KIF1A: variants seen among roughly 807,000 people sequenced by gnomAD.
KIF1A encodes kinesin-like protein KIF1A.
Under a neutral mutation model 227.3 loss-of-function variants are expected in KIF1A, and 46 were observed. That is an observed-to-expected ratio of 0.20 (90% CI 0.16 to 0.26). The LOEUF (loss-of-function observed/expected upper bound fraction) is 0.26. Among genes scored for constraint, KIF1A ranks in the 10% least tolerant of loss-of-function variants. The probability of loss-of-function intolerance (pLI) is 1.00; values close to 1 mark genes in which losing one functional copy is unlikely to be tolerated. For missense variants in KIF1A, 1,683 were observed against 2,485.9 expected (o/e 0.68, Z 6.87); for synonymous variants, 1,022 against 1,012.8 (o/e 1.01, Z -0.17).
At chr2:240,744,180 C>T (rs2048327150) in intron 32 of KIF1A, 120 bp from the exon 33 acceptor site, 1 of 707,440 alleles carries the variant, frequency 1.4e-6, no homozygotes. Flanking sequence ...TAGCTGGGCC[C>T]ACGTCTGCCC....
At chr2:240,774,326 C>G in intron 11 of KIF1A, 65 bp from the exon 12 acceptor site, 6 of 1,070,486 alleles carry the variant, frequency 5.6e-6, no homozygotes, top group Non-Finnish European at 8.6e-6. Flanking sequence ...GTCTGCTCCC[C>G]CCTTCCCCCC....
At chr2:240,817,188 G>A (rs189339661) in intron 1 of KIF1A, among the ~76,000 whole-genome samples, 3 of 152,324 alleles carry the variant, frequency 2.0e-5, no homozygotes, top group East Asian at 3.9e-4. Flanking sequence ...CGGCAAGGAC[G>A]CAGGCCCAAC....
chr2:240,729,598 G>A lies in KIF1A; in HGVS notation c.4008-2658C>T, dbSNP rs114659026. ...TCCTTAGGAGCAAGTGGACTCTGCT[G>A]GAGCCAGGCCTGGAGCTGTAAGTAG... On this transcript the variant is annotated intron_variant, in intron 38 of 48. Transcript: ENST00000498729. Among the ~76,000 whole-genome samples the A allele has an allele frequency of 3.9e-3, 592 of 152,330 alleles. 3 individuals are homozygous for A. Among genetic ancestry groups the A allele is most frequent in the African/African-American group, 0.013 (555 of 41,572 alleles).
At chr2:240,760,018 A>T (rs999942159) in intron 25 of KIF1A, among the ~76,000 whole-genome samples, 6 of 149,634 alleles carry the variant, frequency 4.0e-5, no homozygotes, top group African/African-American at 7.5e-5. Context: ...CCTGTCTCTT[A>T]AAGAAAAAAA....
intron 38 of KIF1A, among the ~76,000 whole-genome samples, chr2:240,728,028 C>T (rs772460933): frequency 6.6e-5 from 10 of 152,224 alleles, no homozygotes; most frequent in Non-Finnish European, 1.2e-4. Context: ...TCCAAGCATC[C>T]TCGCAAGGAC....
chr2:240,771,472 C>T (rs1373086344), intron 14 of KIF1A, among the ~76,000 whole-genome samples: 1 of 152,144 alleles, frequency 6.6e-6, no homozygotes, highest in Non-Finnish European at 1.5e-5. Flanking sequence ...CCCTGCACCC[C>T]CTGCGCCAGG....
At chr2:240,781,814 G>A (rs1041374889) in intron 10 of KIF1A, 7 of 985,068 alleles carry the variant, frequency 7.1e-6, no homozygotes, top group African/African-American at 1.8e-5. Flanking sequence ...TCGCCACACC[G>A]TTCTCCACAG....
At position 240,719,920 on chromosome 2, in the gene KIF1A, C is replaced by A; in HGVS notation, c.4875G>T (p.Pro1625=). ...GRYGATDLRT[P]QPCSRPASPE... The stretch of plus-strand genomic sequence containing the variant: ...GGCTGGCTGGCCGGGAGCAGGGCTG[C>A]GGGGTCCTGGGAAGCAGAGGGAAGT... The change falls in exon 46 of 49, where the codon CCG becomes CCT. Residue 1625 remains proline (P), a synonymous_variant. Coordinates refer to ENST00000498729, the MANE Select transcript of KIF1A (RefSeq NM_001244008.2). 1.9e-6 allele frequency: 3 copies of A among 1,608,108 alleles called. No homozygotes were observed. Among genetic ancestry groups the A allele is most frequent in the East Asian group, 4.5e-5 (2 of 44,802 alleles).
rs764184406 is a variant in KIF1A, at chr2:240,773,169, C to T, written c.1125G>A (p.Glu375=). 2 of 1,613,998 alleles carry T rather than the reference C, an allele frequency of 1.2e-6. No individual in the cohort carries two copies. The highest frequency in any genetic ancestry group is 1.7e-6 in the Non-Finnish European group (2 of 1,179,858). ...NNKLIRELKD[E]VTRLRDLLYA... is the part of the protein sequence containing the mutation. ...ACAGAAGGTCCCGCAGCCGGGTCAC[C>T]TCATCCTTCAGCTCGCGGATCAGCT... The change falls in exon 13 of 49, where the codon GAG becomes GAA. Residue 375 remains glutamate, a synonymous_variant. Coordinates refer to ENST00000498729, the MANE Select transcript of KIF1A (RefSeq NM_001244008.2).
chr2:240,744,617 A>G (rs1347015346), intron 32 of KIF1A, among the ~76,000 whole-genome samples: 1 of 152,214 alleles, frequency 6.6e-6, no homozygotes, highest in Non-Finnish European at 1.5e-5. Context: ...GGGGAGGGCC[A>G]TGTGAACAGA....
At position 240,745,906 on chromosome 2, in the gene KIF1A, A is replaced by G. The variant is rs1227865453; in HGVS notation, c.3206T>C (p.Val1069Ala). ...GTCTAGGAGGAGGCCTTCTGGGGGC[A>G]CTGCTGCTGGGAGTCAAGGAGAGAG... ...DEVNNNTCSAVPPEGLLLDSS... is the reference protein window; with the variant it reads ...DEVNNNTCSAAPPEGLLLDSS... The change falls in exon 31 of 49, where the codon GTG (valine) becomes GCG (alanine). Residue 1069 changes from valine to alanine, a missense_variant. This residue lies in a region of KIF1A where 759 missense variants were observed against 1,020.2 expected (regional missense o/e 0.74). Coordinates refer to ENST00000498729, the MANE Select transcript of KIF1A (RefSeq NM_001244008.2). 6.2e-7 allele frequency: 1 copy of G among 1,601,728 alleles called. No homozygotes were observed. The highest frequency in any genetic ancestry group is 2.2e-5 in the East Asian group (1 of 44,626).
In KIF1A at chr2:240,757,325, A is replaced by C; in HGVS notation, c.2852T>G (p.Val951Gly). Reference protein sequence around the residue: ...FYDRPPLFSLVGRAFVYLSNL... With the variant: ...FYDRPPLFSLGGRAFVYLSNL... ...TCTCCTCGACCTCACCAACCTTCCT[A>C]CTAAACTGAACAGGGGGGGCCGGTC... Residue 951 changes from valine (V) to glycine (G), a missense_variant, in exon 27 of 49, where the codon GTA becomes GGA. Coordinates refer to ENST00000498729, the MANE Select transcript of KIF1A (RefSeq NM_001244008.2). This position sits in a 1 kb window ranked among gnomAD's most constrained non-coding sequence, Gnocchi z 6.2. The C allele has an allele frequency of 6.4e-7, 1 of 1,550,548 alleles. No homozygotes were observed. Among genetic ancestry groups the C allele is most frequent in the Non-Finnish European group, 8.7e-7 (1 of 1,146,998 alleles).
At chr2:240,737,241 G>A (rs981684258) in intron 37 of KIF1A, 73 bp from the exon 38 acceptor site, 34 of 1,198,226 alleles carry the variant, frequency 2.8e-5, no homozygotes, top group East Asian at 1.2e-4. Context: ...GCCTCAGGTG[G>A]GGGTCCTGTC....
intron 2 of KIF1A, among the ~76,000 whole-genome samples, chr2:240,795,405 G>A (rs964379514): frequency 6.6e-6 from 1 of 152,368 alleles, no homozygotes; most frequent in East Asian, 1.9e-4. Context: ...AAGCCGTGGG[G>A]TAAAGCTTTG....
Position 240,719,217 on chromosome 2 carries a change from G to A in KIF1A, c.5022-19C>T, listed in dbSNP as rs369225438. On this transcript the variant is annotated intron_variant, in intron 46 of 48. Transcript: ENST00000498729. ...GATCGGGCTGAAGGCAGAGAGAGCT[G>A]CTCGCTGGGGCCCTCGGTGGGGGCA... The A allele has an allele frequency of 6.0e-5, 95 of 1,584,440 alleles. No individual in the cohort carries two copies. The highest frequency in any genetic ancestry group is 7.5e-5 in the Non-Finnish European group (87 of 1,162,628).
intron 1 of KIF1A, among the ~76,000 whole-genome samples, chr2:240,815,618 G>A (rs1330210993): frequency 2.0e-5 from 3 of 152,206 alleles, no homozygotes; most frequent in East Asian, 3.8e-4. Context: ...TAGAACAACC[G>A]GCTCAGCCAT....
Position 240,771,022 on chromosome 2 carries a change from G to C in KIF1A, c.1290C>G (p.His430Gln), listed in dbSNP as rs369856336. The C allele has an allele frequency of 9.3e-6, 15 of 1,613,036 alleles. No homozygotes were observed. The African/African-American group carries it at 2.0e-4, about 22-fold the overall frequency. ...SSRAASVSSL[H>Q]ERILFAPGSE... The stretch of plus-strand genomic sequence containing the variant: ...TGCCCGGGGCAAACAAGATGCGCTC[G>C]TGGAGGCTGGACACGGAGGCCGCGC... Residue 430 changes from histidine to glutamine, a missense_variant, in exon 15 of 49, where the codon CAC (histidine) becomes CAG (glutamine). His to Gln is a conservative substitution (Grantham distance 24). Around this residue, in one of 12 missense-constraint regions of KIF1A, gnomAD observed 110 missense variants for 133.1 expected, o/e 0.83. Transcript: ENST00000498729.
At chr2:240,723,859 T>C (rs926550759) in intron 41 of KIF1A, 116 bp downstream of exon 41, 1 of 924,406 alleles carries the variant, frequency 1.1e-6, no homozygotes, top group Non-Finnish European at 1.8e-6. Flanking sequence ...ACAAGGTGAG[T>C]GCTTGGGTTC....
In KIF1A at chr2:240,757,563, G is replaced by T. The variant is rs762926012; in HGVS notation, c.2614C>A (p.Leu872Ile). 2 of 1,550,630 alleles carry T rather than the reference G, an allele frequency of 1.3e-6. No homozygotes were observed. Among genetic ancestry groups the T allele is most frequent in the Non-Finnish European group, 1.7e-6 (2 of 1,146,984 alleles). Residue 872 changes from leucine to isoleucine, a missense_variant, in exon 27 of 49, where the codon CTT becomes ATT. Leu to Ile is a conservative substitution (Grantham distance 5). Coordinates refer to ENST00000498729, the MANE Select transcript of KIF1A (RefSeq NM_001244008.2). This position sits in a 1 kb window ranked among gnomAD's most constrained non-coding sequence, Gnocchi z 6.2. ...CGCTCGCTCATGCATGTGTTGAGAA[G>T]AGGGTAGCTGTTGCAGCCAGAGATG... ...SAISGCNSYPLLNTCMSERMA... is the reference protein window; with the variant it reads ...SAISGCNSYPILNTCMSERMA...
Sources: allele counts gnomAD v4.1 joint callset (sites outside exome capture counted in the v4.1 genomes callset), GRCh38; gene constraint gnomAD v4.1.1; regional missense constraint gnomAD v4.1.1; non-coding constraint Gnocchi (gnomAD v3.1); transcripts MANE v1.5; gene names NCBI Gene and HGNC (gene_info 2026-07-23, HGNC 2026-07-21).